Variants in OSER1 observed in about 807,000 individuals in gnomAD.
OSER1 encodes the protein oxidative stress responsive serine rich 1.
Under a neutral mutation model 26.3 loss-of-function variants are expected in OSER1, and 15 were observed. The ratio of observed to expected loss-of-function variants is 0.57; its 90% CI spans 0.38 to 0.88. OSER1 has a LOEUF of 0.88. Among genes scored for constraint, OSER1 ranks in the 40% least tolerant of loss-of-function variants. The pLI is 0.00. For synonymous variants in OSER1, 127 were observed against 128.2 expected (o/e 0.99, Z 0.07); for missense variants, 313 against 353.9 (o/e 0.88, Z 0.93).
chr20:44,202,550 C>T (rs1380620046), intron 3 of OSER1, among the ~76,000 whole-genome samples: 1 of 151,918 alleles, frequency 6.6e-6, no homozygotes, highest in African/African-American at 2.4e-5. Context: ...ACAAAATAAC[C>T]TCAAGATACA....
chr20:44,199,455 C>T (rs2072958386), intron 3 of OSER1, among the ~76,000 whole-genome samples: 1 of 152,124 alleles, frequency 6.6e-6, no homozygotes, highest in Non-Finnish European at 1.5e-5. Flanking sequence ...TTCCCAGCCT[C>T]CCGAAATGTA....
chr20:44,197,740 C>T lies in OSER1; in HGVS notation c.192-1G>A. The T allele has an allele frequency of 6.3e-7, 1 of 1,593,390 alleles. No individual in the cohort carries two copies. The highest frequency in any genetic ancestry group is 8.6e-7 in the Non-Finnish European group (1 of 1,164,986). On this transcript the variant is annotated splice_acceptor_variant, in intron 3 of 3. Coordinates refer to ENST00000255174, the MANE Select transcript of OSER1 (RefSeq NM_016470.8). LOFTEE classifies it high-confidence loss of function. ...TCCTCGTGAAGACTTCCTTGTAGAC[C>T]TAAAGAGGAAAAAAAATATACAAGA...
At chr20:44,199,673 T>G (rs2072961000) in intron 3 of OSER1, among the ~76,000 whole-genome samples, 1 of 152,156 alleles carries the variant, frequency 6.6e-6, no homozygotes, top group South Asian at 2.1e-4. Context: ...AAAAACAAAT[T>G]TGTGATAGAC....
intron 2 of OSER1, among the ~76,000 whole-genome samples, chr20:44,203,730 A>ACACC (rs1345326374): frequency 4.8e-5 from 7 of 147,350 alleles, no homozygotes; most frequent in African/African-American, 7.5e-5. Context: ...ACACACACAC[A>ACACC]CCCCTCCTAC....
rs3037684 is a variant in OSER1 at position 44,205,939 on chromosome 20, CAAA to C, written c.77+939_77+941del. Among the ~76,000 whole-genome samples the C allele has an allele frequency of 8.0e-3, 576 of 71,706 alleles. 2 individuals are homozygous for C. The highest frequency in any genetic ancestry group is 0.013 in the African/African-American group (229 of 17,404). The allele number at this position is 71,706 out of a possible 152,430, so 47.0% of individuals were successfully genotyped here. On this transcript the variant is annotated intron_variant, in intron 2 of 3. Transcript: ENST00000255174. ...TGGGCGACAGGGCCAGAATCCGTCT[CAAA>C]AAAAAAAAAAAAAAAAAAAAAGAGC...
At chr20:44,202,579 T>C (rs1044519413) in intron 3 of OSER1, among the ~76,000 whole-genome samples, 1 of 152,048 alleles carries the variant, frequency 6.6e-6, no homozygotes, top group Non-Finnish European at 1.5e-5. Context: ...AAACATAGAA[T>C]TTAAAGGGAA....
At chr20:44,199,478 CTTTAAA>C (rs2072958671) in intron 3 of OSER1, among the ~76,000 whole-genome samples, 1 of 152,166 alleles carries the variant, frequency 6.6e-6, no homozygotes, top group African/African-American at 2.4e-5. Context: ...AAATAAGTCT[CTTTAAA>C]AATTACCCAG....
At chr20:44,210,289 G>A (rs917760699) in intron 1 of OSER1, among the ~76,000 whole-genome samples, 2 of 152,200 alleles carry the variant, frequency 1.3e-5, no homozygotes, top group Admixed American at 6.5e-5. Flanking sequence ...TCGGAGCGAG[G>A]CACAAGGGAT....
In OSER1 at chr20:44,195,949, T is replaced by C. The variant is rs555092666; in HGVS notation, c.*1103A>G. Among the ~76,000 whole-genome samples the C allele has an allele frequency of 6.6e-6, 1 of 152,324 alleles. No homozygotes were observed. Among genetic ancestry groups the C allele is most frequent in the East Asian group, 1.9e-4 (1 of 5,192 alleles). On this transcript the variant is annotated 3_prime_UTR_variant, in exon 4 of 4. Transcript: ENST00000255174. The stretch of plus-strand genomic sequence containing the variant: ...CCACAGCCAGCGCAGTTTTAGTAAA[T>C]AGTATAAATGTATTTTGTAATTTAA...
intron 2 of OSER1, among the ~76,000 whole-genome samples, chr20:44,205,016 T>A (rs1344617844): frequency 1.3e-5 from 2 of 152,046 alleles, no homozygotes; most frequent in African/African-American, 4.8e-5. Flanking sequence ...TCTTTGTTTT[T>A]TTGCAGACGG....
chr20:44,202,402 A>G (rs1170045905), intron 3 of OSER1, among the ~76,000 whole-genome samples: 1 of 152,160 alleles, frequency 6.6e-6, no homozygotes, highest in Non-Finnish European at 1.5e-5. Flanking sequence ...AAGAATAGAA[A>G]AAGACACACA....
chr20:44,203,942 C>CA (rs1159441899), intron 2 of OSER1, among the ~76,000 whole-genome samples: 5 of 152,036 alleles, frequency 3.3e-5, no homozygotes, highest in Non-Finnish European at 7.4e-5. Flanking sequence ...ATTAAGTGTA[C>CA]AAAGAACTTT....
Position 44,208,443 on chromosome 20 carries a change from A to C in OSER1, c.-41-1445T>G, listed in dbSNP as rs115964110. 2.2e-3 allele frequency among the ~76,000 whole-genome samples: 328 copies of C among 151,504 alleles called. 1 individual carries two copies. The highest frequency in any genetic ancestry group is 7.6e-3 in the African/African-American group (314 of 41,338). The stretch of plus-strand genomic sequence containing the variant: ...CTACTAAAAAAAAAAAAAAAAATTC[A>C]GCCAGCCTGCACCTCAACTTCTTAG... On this transcript the variant is annotated intron_variant, in intron 1 of 3. Coordinates refer to ENST00000255174, the MANE Select transcript of OSER1 (RefSeq NM_016470.8).
In OSER1 at chr20:44,196,046, A is replaced by G. The variant is rs187553776; in HGVS notation, c.*1006T>C. ...ACTAAATTTGGTGGCTCTGCTCAGG[A>G]TGGTCTGAACACATGCAACATTCTT... On this transcript the variant is annotated 3_prime_UTR_variant, in exon 4 of 4. Coordinates refer to ENST00000255174, the MANE Select transcript of OSER1 (RefSeq NM_016470.8). Among the ~76,000 whole-genome samples the G allele has an allele frequency of 1.3e-5, 2 of 152,314 alleles. No individual in the cohort carries two copies. The highest frequency in any genetic ancestry group is 4.8e-5 in the African/African-American group (2 of 41,564).
chr20:44,207,562 T>C (rs915691758), intron 1 of OSER1: 5 of 152,370 alleles, frequency 3.3e-5, no homozygotes, highest in African/African-American at 1.2e-4. Flanking sequence ...ACCAGTAAGG[T>C]TGATACTTCC....
chr20:44,201,070 T>C (rs2072977297), intron 3 of OSER1, among the ~76,000 whole-genome samples: 1 of 152,200 alleles, frequency 6.6e-6, no homozygotes, highest in South Asian at 2.1e-4. Flanking sequence ...CACTTGTGGA[T>C]TCAACCAGCA....
upstream of OSER1, among the ~76,000 whole-genome samples, chr20:44,211,626 G>A (rs2073111380): frequency 6.6e-6 from 1 of 152,136 alleles, no homozygotes; most frequent in African/African-American, 2.4e-5. Flanking sequence ...AAAGATTTAG[G>A]CAGTTCACCA....
intron 2 of OSER1, among the ~76,000 whole-genome samples, chr20:44,206,380 G>A (rs1370264963): frequency 6.6e-6 from 1 of 152,202 alleles, no homozygotes; most frequent in Non-Finnish European, 1.5e-5. Flanking sequence ...GTATGCAGGT[G>A]CTCTAATTAG....
intron 1 of OSER1, among the ~76,000 whole-genome samples, chr20:44,208,122 C>T (rs975695997): frequency 6.2e-5 from 9 of 144,450 alleles, no homozygotes; most frequent in Non-Finnish European, 3.0e-5. Context: ...CCCCCCGCCC[C>T]CACCCCTCTT....
Sources: allele counts gnomAD v4.1 joint callset (sites outside exome capture counted in the v4.1 genomes callset), GRCh38; gene constraint gnomAD v4.1.1; transcripts MANE v1.5; gene names NCBI Gene and HGNC (gene_info 2026-07-23, HGNC 2026-07-21).